The following CSMD1 variants were observed in gnomAD, a reference collection of about 807,000 sequenced individuals.
CSMD1 encodes CUB and Sushi multiple domains 1.
Under a neutral mutation model 417.5 loss-of-function variants are expected in CSMD1, and 213 were observed. The ratio of observed to expected loss-of-function variants is 0.51; its 90% CI spans 0.46 to 0.57. The LOEUF (loss-of-function observed/expected upper bound fraction) is 0.57, where lower values mean the gene tolerates loss of function less well. Among genes scored for constraint, CSMD1 ranks in the 20% least tolerant of loss-of-function variants. The pLI is 0.00. For missense variants in CSMD1, 6,923 were observed against 4,529.7 expected, an observed-to-expected ratio of 1.53 and a Z score of -15.17; for synonymous variants, 2,862 against 1,736.8, an observed-to-expected ratio of 1.65 and a Z score of -16.11.
At chr8:4,026,912 A>G (rs1797091970) in intron 4 of CSMD1, among the ~76,000 whole-genome samples, 1 of 148,604 alleles carries the variant, frequency 6.7e-6, no homozygotes, top group African/African-American at 2.6e-5. Flanking sequence ...AATTCTTTAA[A>G]AACCAACCAA....
At chr8:4,916,565 C>G (rs1304647936) in intron 1 of CSMD1, among the ~76,000 whole-genome samples, 1 of 152,192 alleles carries the variant, frequency 6.6e-6, no homozygotes, top group Non-Finnish European at 1.5e-5. Context: ...CACTCAAATA[C>G]TGCCCTGCTC....
chr8:3,155,357 G>A (rs57382543), intron 39 of CSMD1, among the ~76,000 whole-genome samples: 1 of 59,124 alleles, frequency 1.7e-5, no homozygotes, highest in Non-Finnish European at 3.5e-5. Context: ...ATCAAGGCTG[G>A]GATTTTTTTT....
At chr8:3,067,988 C>A (rs1283105259) in intron 49 of CSMD1, among the ~76,000 whole-genome samples, 1 of 152,006 alleles carries the variant, frequency 6.6e-6, no homozygotes, top group Non-Finnish European at 1.5e-5. Flanking sequence ...TGTTCCTTCC[C>A]AATAACAGAA....
chr8:3,829,004 C>G (rs1585056520), intron 5 of CSMD1, among the ~76,000 whole-genome samples: 1 of 152,032 alleles, frequency 6.6e-6, no homozygotes, highest in African/African-American at 2.4e-5. Context: ...TTTCCTCTGT[C>G]TACAATCACC....
intron 3 of CSMD1, among the ~76,000 whole-genome samples, chr8:4,214,390 T>A (rs560451280): frequency 6.6e-6 from 1 of 152,192 alleles, no homozygotes; most frequent in African/African-American, 2.4e-5. Context: ...CTCTGCCTCC[T>A]GGATTCAATC....
At chr8:4,527,910 G>C (rs948569516) in intron 2 of CSMD1, among the ~76,000 whole-genome samples, 4 of 152,184 alleles carry the variant, frequency 2.6e-5, no homozygotes, top group Non-Finnish European at 4.4e-5. Flanking sequence ...GCAACCTACA[G>C]GGCGTGCCTG....
chr8:4,041,166 G>A (rs533930426), intron 3 of CSMD1, among the ~76,000 whole-genome samples: 1,928 of 151,518 alleles, frequency 0.013, 26 homozygotes, highest in African/African-American at 0.042. Context: ...ACAGGCGCCC[G>A]CCACCACGCC....
At chr8:3,914,073 A>C (rs759999463) in intron 5 of CSMD1, among the ~76,000 whole-genome samples, 17 of 152,188 alleles carry the variant, frequency 1.1e-4, no homozygotes, top group Non-Finnish European at 1.5e-5. Flanking sequence ...TGATCACAAT[A>C]AAGAGTCATA....
At chr8:3,237,633 A>G (rs1400980342) in intron 26 of CSMD1, among the ~76,000 whole-genome samples, 1 of 138,936 alleles carries the variant, frequency 7.2e-6, no homozygotes, top group African/African-American at 2.6e-5. Flanking sequence ...TATTTTTTAT[A>G]CTTATACTAT....
At chr8:4,182,616 C>T (rs77309913) in intron 3 of CSMD1, among the ~76,000 whole-genome samples, 1 of 152,068 alleles carries the variant, frequency 6.6e-6, no homozygotes, top group Non-Finnish European at 1.5e-5. Flanking sequence ...TTATGGACAA[C>T]AGTGTTTATC....
At chr8:3,040,819 G>C (rs1355601003) in intron 50 of CSMD1, among the ~76,000 whole-genome samples, 1 of 151,600 alleles carries the variant, frequency 6.6e-6, no homozygotes, top group African/African-American at 2.4e-5. Context: ...ATAATAATAA[G>C]ATTATAAATT....
intron 50 of CSMD1, among the ~76,000 whole-genome samples, chr8:3,034,629 A>T (rs1157516407): frequency 6.6e-6 from 1 of 152,194 alleles, no homozygotes; most frequent in Non-Finnish European, 1.5e-5. Context: ...AGGTTATAAA[A>T]ATCAATGCAT....
At chr8:4,825,285 A>C (rs1407821373) in intron 1 of CSMD1, among the ~76,000 whole-genome samples, 1 of 152,128 alleles carries the variant, frequency 6.6e-6, no homozygotes, top group Non-Finnish European at 1.5e-5. Context: ...ACCCCACTCA[A>C]GGATATAAAC....
chr8:4,150,106 T>G (rs1298126468), intron 3 of CSMD1, among the ~76,000 whole-genome samples: 1 of 152,012 alleles, frequency 6.6e-6, no homozygotes, highest in Non-Finnish European at 1.5e-5. Flanking sequence ...TTTAAGGGAG[T>G]GTATTTTCCA....
intron 5 of CSMD1, among the ~76,000 whole-genome samples, chr8:3,764,782 T>A (rs1415216292): frequency 6.7e-6 from 1 of 150,188 alleles, no homozygotes; most frequent in African/African-American, 2.5e-5. Flanking sequence ...ATTCTCACTC[T>A]GTTGCCTAGG....
intron 2 of CSMD1, among the ~76,000 whole-genome samples, chr8:4,494,963 A>C (rs1459325536): frequency 6.6e-6 from 1 of 152,196 alleles, no homozygotes; most frequent in Non-Finnish European, 1.5e-5. Context: ...GCAGAAAAAA[A>C]CAGTGGAGAA....
At chr8:3,180,660 G>A (rs1821265246) in intron 37 of CSMD1, among the ~76,000 whole-genome samples, 1 of 152,116 alleles carries the variant, frequency 6.6e-6, no homozygotes, top group African/African-American at 2.4e-5. Flanking sequence ...TTTTGAAACG[G>A]CATCTCGCTC....
intron 5 of CSMD1, among the ~76,000 whole-genome samples, chr8:3,881,035 G>A (rs1408680172): frequency 6.6e-6 from 1 of 152,002 alleles, no homozygotes; most frequent in Non-Finnish European, 1.5e-5. Context: ...TATCAATAAA[G>A]CCTCAACTAT....
At chr8:3,104,154 T>C (rs1272129919) in intron 46 of CSMD1, among the ~76,000 whole-genome samples, 2 of 152,240 alleles carry the variant, frequency 1.3e-5, no homozygotes, top group Non-Finnish European at 2.9e-5. Context: ...CTTGAGGCTT[T>C]GTTTGTTGGG....
Sources: gnomAD v4.1 joint callset for allele counts (sites outside exome capture counted in the v4.1 genomes callset) on GRCh38, gnomAD v4.1.1 for gene constraint, MANE v1.5 for transcripts, NCBI Gene and HGNC (gene_info 2026-07-23, HGNC 2026-07-21) for gene names.